TFAP2D: variants seen among roughly 807,000 people sequenced by gnomAD.
The protein encoded by TFAP2D is transcription factor AP-2 delta.
Under a neutral mutation model 43.6 loss-of-function variants are expected in TFAP2D, and 9 were observed. That is an observed-to-expected ratio of 0.21 (90% CI 0.12 to 0.36). The LOEUF (loss-of-function observed/expected upper bound fraction) is 0.36, where lower values mean the gene tolerates loss of function less well. TFAP2D is among the 10% of genes least tolerant of loss of function. The pLI is 1.00. For synonymous variants in TFAP2D, 256 were observed against 224.9 expected (o/e 1.14, Z -1.24); for missense variants, 513 against 561.4 (o/e 0.91, Z 0.87).
intron 5 of TFAP2D, among the ~76,000 whole-genome samples, chr6:50,742,840 T>A (rs1050906114): frequency 2.6e-5 from 4 of 152,006 alleles, no homozygotes; most frequent in African/African-American, 7.2e-5. Context: ...CATTATTTGA[T>A]GGGTCAAGGT....
Position 50,713,879 on chromosome 6 carries a change from TG to T in TFAP2D, c.-174del. ...AATTTTGTTCCTACAGGTTTTTAAG[TG>T]GGTACGAGGCAAGGAGCTATCTGAT... On this transcript the variant is annotated 5_prime_UTR_variant, in exon 1 of 8. The change abolishes the stop of an existing upstream ORF in the 5' untranslated region. Transcript: ENST00000008391. 1.1e-6 allele frequency: 1 copy of T among 891,802 alleles called. No homozygotes were observed. Among genetic ancestry groups the T allele is most frequent in the Non-Finnish European group, 1.7e-6 (1 of 588,550 alleles). 55.2% of individuals were successfully genotyped at this position (891,802 alleles called of 1,614,324 possible). A position where few individuals can be genotyped will look rare whatever the true frequency, so the allele number is the denominator to read the frequency against.
intron 5 of TFAP2D, among the ~76,000 whole-genome samples, chr6:50,738,470 G>T (rs1768992986): frequency 6.6e-6 from 1 of 151,938 alleles, no homozygotes; most frequent in Non-Finnish European, 1.5e-5. Context: ...TTAATTCCAA[G>T]ATCATAAAAA....
At chr6:50,734,370 AT>A (rs938531985) in intron 5 of TFAP2D, among the ~76,000 whole-genome samples, 23 of 152,064 alleles carry the variant, frequency 1.5e-4, no homozygotes, top group African/African-American at 5.6e-4. Flanking sequence ...AAAGACCATC[AT>A]ATCTATAATG....
At chr6:50,765,459 C>G (rs779213516) in intron 7 of TFAP2D, among the ~76,000 whole-genome samples, 2 of 152,148 alleles carry the variant, frequency 1.3e-5, no homozygotes, top group African/African-American at 4.8e-5. Context: ...TGCATAATGG[C>G]TGCGCCAGTT....
At chr6:50,714,460 A>G (rs190978355) in intron 1 of TFAP2D, among the ~76,000 whole-genome samples, 3 of 152,178 alleles carry the variant, frequency 2.0e-5, no homozygotes, top group East Asian at 1.9e-4. Context: ...CACAAGGGGG[A>G]TGGGGAAAAC....
intron 3 of TFAP2D, among the ~76,000 whole-genome samples, chr6:50,724,498 G>T (rs1561932332): frequency 1.3e-5 from 2 of 152,286 alleles, no homozygotes; most frequent in African/African-American, 4.8e-5. Flanking sequence ...CCGGCCCAGC[G>T]CCCGGAAGCC....
At chr6:50,735,709 G>T (rs895597798) in intron 5 of TFAP2D, among the ~76,000 whole-genome samples, 13 of 152,100 alleles carry the variant, frequency 8.5e-5, no homozygotes, top group African/African-American at 3.1e-4. Flanking sequence ...CCTACCACTT[G>T]GTGGTATTTC....
At chr6:50,765,155 C>T (rs1313851997) in intron 7 of TFAP2D, among the ~76,000 whole-genome samples, 1 of 152,114 alleles carries the variant, frequency 6.6e-6, no homozygotes, top group African/African-American at 2.4e-5. Context: ...TTTTAGATTT[C>T]ACATATAAAT....
At chr6:50,760,777 C>G (rs1460404411) in intron 7 of TFAP2D, among the ~76,000 whole-genome samples, 1 of 151,936 alleles carries the variant, frequency 6.6e-6, no homozygotes, top group Non-Finnish European at 1.5e-5. Context: ...GGTCTCTCTC[C>G]ATGGCCTACA....
chr6:50,736,329 T>G lies in TFAP2D; in HGVS notation c.883+7017T>G, dbSNP rs1768962482. ...CATACACACATTCTGGCACTCACAG[T>G]GTCTTCTTGGAGACAGTTTTGCATA... On this transcript the variant is annotated intron_variant, in intron 5 of 7. Coordinates refer to ENST00000008391, the MANE Select transcript of TFAP2D (RefSeq NM_172238.4). Among the ~76,000 whole-genome samples, 4 of 152,174 alleles carry G rather than the reference T, an allele frequency of 2.6e-5. No individual in the cohort carries two copies. The South Asian group carries it at 8.3e-4, about 32-fold the overall frequency.
chr6:50,724,564 G>A (rs1283313799), intron 3 of TFAP2D, among the ~76,000 whole-genome samples: 1 of 152,130 alleles, frequency 6.6e-6, no homozygotes, highest in East Asian at 1.9e-4. Context: ...GCCACAGCTG[G>A]GTGCGTTCTG....
At chr6:50,739,345 G>C (rs916242904) in intron 5 of TFAP2D, among the ~76,000 whole-genome samples, 1 of 152,136 alleles carries the variant, frequency 6.6e-6, no homozygotes, top group African/African-American at 2.4e-5. Context: ...CCTTGGGATA[G>C]TTTGCTCAGA....
chr6:50,724,763 G>GGT (rs375837342), intron 3 of TFAP2D, among the ~76,000 whole-genome samples: 137 of 150,834 alleles, frequency 9.1e-4, no homozygotes, highest in African/African-American at 2.4e-3. Context: ...ACGGTGGCGG[G>GGT]GTGTGTGTGT....
At chr6:50,720,536 CACATAT>C (rs1768704004) in intron 3 of TFAP2D, among the ~76,000 whole-genome samples, 2 of 132,814 alleles carry the variant, frequency 1.5e-5, no homozygotes, top group Admixed American at 7.6e-5. Context: ...CACACACACA[CACATAT>C]ACGTGGTATA....
intron 5 of TFAP2D, among the ~76,000 whole-genome samples, chr6:50,744,251 A>G (rs1027059093): frequency 1.3e-5 from 2 of 151,994 alleles, no homozygotes; most frequent in African/African-American, 4.8e-5. Flanking sequence ...CTTTGTGTCC[A>G]TGTGTTCTCA....
At position 50,741,000 on chromosome 6, in the gene TFAP2D, C is replaced by T. The variant is rs187337667; in HGVS notation, c.884-4107C>T. 2.5e-3 allele frequency among the ~76,000 whole-genome samples: 381 copies of T among 152,122 alleles called. 2 individuals are homozygous for T. Among genetic ancestry groups the T allele is most frequent in the African/African-American group, 8.5e-3 (352 of 41,532 alleles). ...GGAAAAATGAATTCTCTAAAATCAA[C>T]GAGCAAATTTATCTTTTACGTTCTT... On this transcript the variant is annotated intron_variant, in intron 5 of 7. Coordinates refer to ENST00000008391, the MANE Select transcript of TFAP2D (RefSeq NM_172238.4).
chr6:50,758,017 C>G (rs2113890421), intron 7 of TFAP2D, among the ~76,000 whole-genome samples: 1 of 150,970 alleles, frequency 6.6e-6, no homozygotes, highest in East Asian at 2.0e-4. Flanking sequence ...CAATTGGGTC[C>G]TGTGTATATT....
chr6:50,766,880 G>C (rs1769452544), intron 7 of TFAP2D, among the ~76,000 whole-genome samples: 1 of 151,770 alleles, frequency 6.6e-6, no homozygotes, highest in Non-Finnish European at 1.5e-5. Flanking sequence ...TTGTTAGCCA[G>C]GATGGTCTCG....
intron 7 of TFAP2D, among the ~76,000 whole-genome samples, chr6:50,751,649 A>C (rs1209608466): frequency 6.6e-6 from 1 of 151,902 alleles, no homozygotes; most frequent in African/African-American, 2.4e-5. Context: ...GGGCTCTTTT[A>C]TAAGGGCACT....
Sources: allele counts gnomAD v4.1 joint callset (sites outside exome capture counted in the v4.1 genomes callset), GRCh38; gene constraint gnomAD v4.1.1; transcripts MANE v1.5; gene names NCBI Gene and HGNC (gene_info 2026-07-23, HGNC 2026-07-21).